The following AKNA variants were observed in gnomAD, a reference collection of about 807,000 sequenced individuals.
AKNA encodes the protein microtubule organization protein AKNA.
In AKNA, 67 loss-of-function variants were observed where a neutral mutation model predicts 138.8. That is an observed-to-expected ratio of 0.48 (90% CI 0.40 to 0.59). AKNA has a LOEUF of 0.59. Ranked by LOEUF, AKNA falls within the 20% of genes least tolerant of loss-of-function variation. The pLI is 0.00. For missense variants in AKNA, 1,813 were observed against 1,880.4 expected (o/e 0.96, Z 0.66); for synonymous variants, 737 against 754.4 (o/e 0.98, Z 0.38).
rs199833455 is a variant in AKNA at position 114,364,586 on chromosome 9, G to T, written c.1762C>A (p.Arg588Ser). The T allele has an allele frequency of 6.2e-6, 10 of 1,613,924 alleles. No individual in the cohort carries two copies. The highest frequency in any genetic ancestry group is 5.0e-5 in the Admixed American group (3 of 60,014). The change falls in exon 7 of 22, where the codon CGT becomes AGT. Residue 588 changes from arginine (R) to serine (S), a missense_variant. By Grantham distance (110) the Arg-to-Ser change is moderately radical. Coordinates refer to ENST00000374088, the MANE Select transcript of AKNA (RefSeq NM_001317950.2). The part of the protein sequence containing the change: ...ESFERLIQAG[R>S]LMPQDQVKGF... The stretch of plus-strand genomic sequence containing the variant: ...TTGACTTGGTCCTGGGGCATGAGAC[G>T]TCCTGCCTGTATCAGTCTTTCAAAG...
chr9:114,331,516 C>T (rs754992788), downstream of AKNA: 2 of 1,449,458 alleles, frequency 1.4e-6, no homozygotes, highest in Non-Finnish European at 9.7e-7. Flanking sequence ...GTAAGACAGG[C>T]ACCATTGTGC....
chr9:114,342,887 C>A (rs7047506), intron 19 of AKNA, among the ~76,000 whole-genome samples: 59,592 of 148,156 alleles, frequency 0.4, 13,197 homozygotes, highest in East Asian at 0.52. Context: ...TGAATGAATG[C>A]ATGCAGGCAT....
At chr9:114,372,899 A>T (rs942048998) in intron 4 of AKNA, among the ~76,000 whole-genome samples, 16 of 136,814 alleles carry the variant, frequency 1.2e-4, no homozygotes, top group African/African-American at 4.1e-4. Flanking sequence ...TCTTTTACAG[A>T]TGTGCCCGAT....
At chr9:114,347,277 T>C (rs980289386) in intron 16 of AKNA, among the ~76,000 whole-genome samples, 16 of 152,160 alleles carry the variant, frequency 1.1e-4, no homozygotes, top group African/African-American at 3.9e-4. Context: ...TGGAGTGCAG[T>C]GGCACAATCT....
downstream of AKNA, among the ~76,000 whole-genome samples, chr9:114,332,491 G>A (rs922980551): frequency 1.2e-4 from 18 of 152,092 alleles, no homozygotes; most frequent in African/African-American, 2.7e-4. Context: ...TCACAGCACC[G>A]ATGAGCTGGT....
At position 114,337,012 on chromosome 9, in the gene AKNA, T is replaced by TTGGGGGGGG; in HGVS notation, c.*41_*42insCCCCCCCCA. The TTGGGGGGGG allele has an allele frequency of 4.2e-4, 509 of 1,207,842 alleles. No individual in the cohort carries two copies. The highest frequency in any genetic ancestry group is 4.7e-4 in the Non-Finnish European group (439 of 929,026). The allele number at this position is 1,207,842 out of a possible 1,614,324, so 74.8% of individuals were successfully genotyped here. A position where few individuals can be genotyped will look rare whatever the true frequency, so the allele number is the denominator to read the frequency against. ...CCCACTCCTGGCCTGGCAGGCCACC[T>TTGGGGGGGG]GCCCACCCACCCACCCATCTGCCTC... On this transcript the variant is annotated 3_prime_UTR_variant, in exon 22 of 22. Transcript: ENST00000374088.
intron 11 of AKNA, 117 bp from the exon 12 acceptor site, chr9:114,358,284 G>A: frequency 7.0e-7 from 1 of 1,433,690 alleles, no homozygotes; most frequent in East Asian, 2.5e-5. Flanking sequence ...GACATCCCTG[G>A]CTGCCCAGCC....
At position 114,358,016 on chromosome 9, in the gene AKNA, A is replaced by G. The variant is rs750429030; in HGVS notation, c.2644T>C (p.Ser882Pro). The change falls in exon 12 of 22, where the codon TCC becomes CCC. Residue 882 changes from serine (S) to proline (P), a missense_variant. Coordinates refer to ENST00000374088, the MANE Select transcript of AKNA (RefSeq NM_001317950.2). ...PHPPGTKSAA[S>P]HQSSMTSLEG... Reference sequence around the variant, plus strand: ...AGGCTGGTCATACTACTTTGGTGGGATGCTGCGGACTTGGTGCCTGGAGGG... The same window carrying G: ...AGGCTGGTCATACTACTTTGGTGGGGTGCTGCGGACTTGGTGCCTGGAGGG... 12 of 1,609,922 alleles carry G rather than the reference A, an allele frequency of 7.5e-6. No homozygotes were observed. The highest frequency in any genetic ancestry group is 1.0e-5 in the Non-Finnish European group (12 of 1,177,322).
chr9:114,361,050 C>T (rs1034405981), intron 9 of AKNA, among the ~76,000 whole-genome samples: 20 of 152,262 alleles, frequency 1.3e-4, no homozygotes, highest in Admixed American at 7.8e-4. Context: ...TCCATTTGCC[C>T]TGCCACCTCC....
intron 1 of AKNA, among the ~76,000 whole-genome samples, chr9:114,387,105 G>A (rs1318309251): frequency 6.6e-6 from 1 of 152,160 alleles, no homozygotes; most frequent in Non-Finnish European, 1.5e-5. Context: ...GCTGTCAGAT[G>A]TGTCAGGGAG....
Position 114,381,348 on chromosome 9 carries a change from G to C in AKNA, c.-15C>G. On this transcript the variant is annotated 5_prime_UTR_variant, in exon 2 of 22. Coordinates refer to ENST00000374088, the MANE Select transcript of AKNA (RefSeq NM_001317950.2). The stretch of plus-strand genomic sequence containing the variant: ...GAGCTGGCCATTGGGGCTGGCCTGG[G>C]CTTCACCTGGGCCACTTCATCTTCA... 6.5e-7 allele frequency: 1 copy of C among 1,548,154 alleles called. No individual in the cohort carries two copies.
At chr9:114,355,748 C>A (rs1173304775) in intron 14 of AKNA, among the ~76,000 whole-genome samples, 177 bp downstream of exon 14, 4 of 152,230 alleles carry the variant, frequency 2.6e-5, no homozygotes, top group Admixed American at 2.6e-4. Context: ...AACGTCAGCA[C>A]TGATGGTTTC....
chr9:114,375,957 A>G (rs1833138409), intron 3 of AKNA: 1 of 454,202 alleles, frequency 2.2e-6, no homozygotes. Flanking sequence ...TCCCTACCGC[A>G]GCCAGCCTCT....
At position 114,376,955 on chromosome 9, in the gene AKNA, C is replaced by G; in HGVS notation, c.852G>C (p.Thr284=). 1 of 1,614,168 alleles carries G rather than the reference C, an allele frequency of 6.2e-7. No homozygotes were observed. Among genetic ancestry groups the G allele is most frequent in the Non-Finnish European group, 8.5e-7 (1 of 1,180,028 alleles). ...QHATDRWRRE[T]TRFFCPQPKE... is the part of the protein sequence containing the mutation. ...TGGGCTGAGGGCAGAAGAATCTGGT[C>G]GTTTCTCTCCTCCATCTATCTGTGG... Residue 284 remains threonine (T), a synonymous_variant, in exon 3 of 22, where the codon ACG becomes ACC. Coordinates refer to ENST00000374088, the MANE Select transcript of AKNA (RefSeq NM_001317950.2).
chr9:114,387,946 G>C lies in AKNA; in HGVS notation c.-200C>G, dbSNP rs1258268266. On this transcript the variant is annotated 5_prime_UTR_variant, in exon 1 of 22. Coordinates refer to ENST00000374088, the MANE Select transcript of AKNA (RefSeq NM_001317950.2). ...TTGTTCCAAACCCAGGGAGCCCCCT[G>C]TCTCCATTGCGCCCTGGCCCACCTC... is the stretch of plus-strand genomic sequence containing the variant. 6.7e-6 allele frequency: 3 copies of C among 447,100 alleles called. No homozygotes were observed. Among genetic ancestry groups the C allele is most frequent in the Non-Finnish European group, 1.4e-5 (3 of 220,960 alleles). The allele number at this position is 447,100 out of a possible 1,614,324, so 27.7% of individuals were successfully genotyped here. A position where few individuals can be genotyped will look rare whatever the true frequency, so the allele number is the denominator to read the frequency against.
chr9:114,356,356 G>A (rs1042571766), intron 13 of AKNA, among the ~76,000 whole-genome samples: 1 of 152,196 alleles, frequency 6.6e-6, no homozygotes, highest in African/African-American at 2.4e-5. Flanking sequence ...ATAAAGCTCA[G>A]TTTATGTGTA....
chr9:114,331,567 AG>A (rs1187623021), downstream of AKNA: 15 of 1,612,208 alleles, frequency 9.3e-6, no homozygotes, highest in Non-Finnish European at 1.3e-5. Context: ...TCTCTTCCAG[AG>A]GGAGGCCGAG....
At chr9:114,364,161 T>C (rs1832166989) in intron 7 of AKNA, among the ~76,000 whole-genome samples, 1 of 151,952 alleles carries the variant, frequency 6.6e-6, no homozygotes, top group African/African-American at 2.4e-5. Flanking sequence ...GCAGTGATTA[T>C]GACCCTGGAT....
At chr9:114,358,324 T>G (rs914322924) in intron 11 of AKNA, 157 bp from the exon 12 acceptor site, 1 of 979,280 alleles carries the variant, frequency 1.0e-6, no homozygotes, top group Non-Finnish European at 1.5e-6. Context: ...CTGTGTGACC[T>G]AGGGCAAGGC....
Sources: gnomAD v4.1 joint callset for allele counts (sites outside exome capture counted in the v4.1 genomes callset) on GRCh38, gnomAD v4.1.1 for gene constraint, MANE v1.5 for transcripts, NCBI Gene and HGNC (gene_info 2026-07-23, HGNC 2026-07-21) for gene names.